The following XKR5 variants were observed in gnomAD, a reference collection of about 807,000 sequenced individuals.
XKR5 encodes XK related 5, also known as XK-related protein 5.
Under a neutral mutation model 40.8 loss-of-function variants are expected in XKR5, and 46 were observed. The observed-to-expected ratio is 1.13, with a 90% CI of 0.89 to 1.44. The LOEUF is 1.44. XKR5 is among the 40% of genes most tolerant of loss of function. XKR5 has a pLI of 0.00. For synonymous variants in XKR5, 466 were observed against 356.1 expected (o/e 1.31, Z -3.48); for missense variants, 1,169 against 844.7 (o/e 1.38, Z -4.76).
rs1290196026 is a variant in XKR5, at chr8:6,815,818, C to A, written c.908G>T (p.Gly303Val). The change falls in exon 6 of 7, where the codon GGA (glycine) becomes GTA (valine). Residue 303 changes from glycine (G) to valine (V), a missense_variant. By Grantham distance (109) the Gly-to-Val change is moderately radical (BLOSUM62 -3). Transcript: ENST00000618742. ...ACATTGGGACTTACCAATCAGAAAT[C>A]CAGACAGGACCCCAGCTATGGTCTG... ...SLQTIAGVLS[G>V]FLIGSVSLVI... is the part of the protein sequence containing the mutation. The A allele has an allele frequency of 6.2e-7, 1 of 1,601,416 alleles. No individual in the cohort carries two copies. The highest frequency in any genetic ancestry group is 8.5e-7 in the Non-Finnish European group (1 of 1,173,800).
At chr8:6,819,338 T>A (rs960876068) in intron 5 of XKR5, among the ~76,000 whole-genome samples, 3 of 152,160 alleles carry the variant, frequency 2.0e-5, no homozygotes, top group African/African-American at 7.2e-5. Context: ...GCAGCACGGG[T>A]CTGTGCCAGC....
intron 6 of XKR5, among the ~76,000 whole-genome samples, chr8:6,814,979 G>C (rs1381283151): frequency 1.3e-5 from 2 of 152,212 alleles, no homozygotes; most frequent in Non-Finnish European, 2.9e-5. Flanking sequence ...TTCAGGGTGT[G>C]GGTGACAGAG....
intron 2 of XKR5, among the ~76,000 whole-genome samples, chr8:6,829,900 C>A (rs1804680740): frequency 8.2e-6 from 1 of 121,250 alleles, no homozygotes; most frequent in South Asian, 2.7e-4. Flanking sequence ...TCCAGTGATG[C>A]AATCTCGGCT....
At chr8:6,830,685 A>G (rs1360056492) in intron 2 of XKR5, among the ~76,000 whole-genome samples, 1 of 152,128 alleles carries the variant, frequency 6.6e-6, no homozygotes, top group Non-Finnish European at 1.5e-5. Flanking sequence ...CTTCTTTTTC[A>G]AAACAAGAAT....
chr8:6,823,510 G>T lies in XKR5; in HGVS notation c.637+11C>A. 1 of 1,574,614 alleles carries T rather than the reference G, an allele frequency of 6.4e-7. No homozygotes were observed. The highest frequency in any genetic ancestry group is 2.3e-5 in the East Asian group (1 of 42,924). ...GCAGCAACAGATGACCAGATCATTA[G>T]CTCAGCTCACCTGCAACCACAAAAA... On this transcript the variant is annotated intron_variant, in intron 4 of 6. Coordinates refer to ENST00000618742, the MANE Select transcript of XKR5 (RefSeq NM_207411.5).
intron 5 of XKR5, among the ~76,000 whole-genome samples, chr8:6,817,028 C>T (rs1803989724): frequency 6.6e-6 from 1 of 152,184 alleles, no homozygotes; most frequent in South Asian, 2.1e-4. Context: ...CTTTCTCTCC[C>T]CACTCCTCAG....
intron 3 of XKR5, among the ~76,000 whole-genome samples, chr8:6,824,930 T>C (rs192715395): frequency 7.1e-4 from 108 of 152,346 alleles, no homozygotes; most frequent in African/African-American, 2.5e-3. Context: ...GGGCAATTTC[T>C]ATCTTATGGG....
rs541017143 is a variant in XKR5 at position 6,832,873 on chromosome 8, G to C, written c.86C>G (p.Thr29Ser). 2.5e-6 allele frequency: 4 copies of C among 1,605,628 alleles called. No individual in the cohort carries two copies. Among genetic ancestry groups the C allele is most frequent in the East Asian group, 2.2e-5 (1 of 44,600 alleles). Reference protein sequence around the residue: ...ARLYTVAYYFTTGRLLWGWLA... With the variant: ...ARLYTVAYYFSTGRLLWGWLA... ...CCACCCCCACAGAAGCCGTCCTGTG[G>C]TGAAGTAGTAAGCCACGGTGTAAAG... The change falls in exon 2 of 7, where the codon ACC becomes AGC. Residue 29 changes from threonine to serine, a missense_variant. Transcript: ENST00000618742.
chr8:6,825,527 A>G (rs1268064190), intron 2 of XKR5, among the ~76,000 whole-genome samples, 178 bp from the exon 3 acceptor site: 1 of 151,192 alleles, frequency 6.6e-6, no homozygotes, highest in Non-Finnish European at 1.5e-5. Context: ...CGTCACTTCT[A>G]TGTAAGTTCC....
intron 1 of XKR5, among the ~76,000 whole-genome samples, chr8:6,833,970 G>C (rs1804884173): frequency 1.3e-5 from 2 of 152,190 alleles, no homozygotes; most frequent in South Asian, 4.1e-4. Context: ...TGGTTACGCA[G>C]TGGAGAGAGA....
rs1355772029 is a variant in XKR5 at position 6,822,019 on chromosome 8, C to G, written c.657G>C (p.Met219Ile). 6.2e-7 allele frequency: 1 copy of G among 1,604,792 alleles called. No individual in the cohort carries two copies. ...TCTGCTGGGCGACAAGCCAGAATGT[C>G]ATCACCAGCCAGTGGGCACCTGCAG... ...FVVAGAHWLV[M>I]TFWLVAQQSD... Residue 219 changes from methionine (M) to isoleucine (I), a missense_variant, in exon 5 of 7, where the codon ATG becomes ATC. Coordinates refer to ENST00000618742, the MANE Select transcript of XKR5 (RefSeq NM_207411.5).
intron 2 of XKR5, 30 bp from the exon 3 acceptor site, chr8:6,825,379 G>C (rs1804417927): frequency 6.7e-7 from 1 of 1,490,162 alleles, no homozygotes; most frequent in African/African-American, 1.4e-5. Context: ...ACGTGACACG[G>C]AGCCAGGCTG....
intron 4 of XKR5, among the ~76,000 whole-genome samples, chr8:6,823,151 A>G (rs929005261): frequency 1.3e-5 from 2 of 152,080 alleles, no homozygotes; most frequent in African/African-American, 4.8e-5. Context: ...CTGGATGTGT[A>G]CTCATCGGGA....
chr8:6,812,467 G>C, intron 6 of XKR5, 128 bp from the exon 7 acceptor site: 1 of 937,024 alleles, frequency 1.1e-6, no homozygotes. Context: ...TAGGACTCTT[G>C]TTGGAGCCTC....
chr8:6,816,119 G>A (rs762218511), intron 5 of XKR5, among the ~76,000 whole-genome samples: 4 of 152,066 alleles, frequency 2.6e-5, no homozygotes, highest in Non-Finnish European at 4.4e-5. Flanking sequence ...CCTGTTCTCA[G>A]GGTGGCTCAT....
chr8:6,834,880 C>T (rs1226239162), intron 1 of XKR5, among the ~76,000 whole-genome samples: 4 of 152,190 alleles, frequency 2.6e-5, no homozygotes, highest in Non-Finnish European at 5.9e-5. Context: ...CCCGCCCCGT[C>T]CTAAACCCCG....
chr8:6,823,780 C>G (rs1328786607), intron 3 of XKR5, 50 bp from the exon 4 acceptor site: 11 of 1,448,174 alleles, frequency 7.6e-6, no homozygotes, highest in East Asian at 5.0e-5. Context: ...TCCGAAGTAA[C>G]AGTACCTTGT....
chr8:6,815,016 T>C (rs1012961555), intron 6 of XKR5, among the ~76,000 whole-genome samples: 4 of 151,752 alleles, frequency 2.6e-5, no homozygotes, highest in African/African-American at 9.7e-5. Context: ...AGGGCAGGAG[T>C]TGTTGCAGAG....
At chr8:6,824,476 T>G (rs1038667220) in intron 3 of XKR5, among the ~76,000 whole-genome samples, 15 of 152,142 alleles carry the variant, frequency 9.9e-5, no homozygotes, top group Non-Finnish European at 7.4e-5. Flanking sequence ...CCTGAGTTGT[T>G]CTCAGTTTCC....
Sources: gnomAD v4.1 joint callset for allele counts (sites outside exome capture counted in the v4.1 genomes callset) on GRCh38, gnomAD v4.1.1 for gene constraint, MANE v1.5 for transcripts, NCBI Gene and HGNC (gene_info 2026-07-23, HGNC 2026-07-21) for gene names.